CR1: variants seen among roughly 807,000 people sequenced by gnomAD.
CR1 encodes complement C3b/C4b receptor 1 (Knops blood group).
In CR1, 116 loss-of-function variants were observed where a neutral mutation model predicts 187.3. That is an observed-to-expected ratio of 0.62 (90% CI 0.53 to 0.72). CR1 has a LOEUF of 0.72. Ranked by LOEUF, CR1 falls within the 30% of genes least tolerant of loss-of-function variation. The pLI is 0.00. For synonymous variants in CR1, 576 were observed against 747.1 expected (o/e 0.77, Z 3.73); for missense variants, 1,731 against 2,110.7 (o/e 0.82, Z 3.52).
chr1:207,636,604 T>C (rs1662822200), intron 46 of CR1, among the ~76,000 whole-genome samples: 1 of 152,222 alleles, frequency 6.6e-6, no homozygotes, highest in Non-Finnish European at 1.5e-5. Flanking sequence ...TCTTGTAGAA[T>C]TTTTTTGCCA....
chr1:207,596,431 T>C (rs1302990389), intron 35 of CR1, among the ~76,000 whole-genome samples: 1 of 151,830 alleles, frequency 6.6e-6, no homozygotes, highest in East Asian at 1.9e-4. Context: ...CTGGCCAACA[T>C]GGAGAAACCC....
At chr1:207,496,645 C>G (rs1192492972) in intron 1 of CR1, among the ~76,000 whole-genome samples, 2 of 152,210 alleles carry the variant, frequency 1.3e-5, no homozygotes, top group Admixed American at 6.5e-5. Context: ...CAGTGGAAGG[C>G]GCAGATGCTG....
intron 1 of CR1, among the ~76,000 whole-genome samples, chr1:207,503,135 G>C (rs2102332971): frequency 6.6e-6 from 1 of 152,238 alleles, no homozygotes; most frequent in African/African-American, 2.4e-5. Context: ...TGCCTTCTGT[G>C]TATGTGGCAG....
intron 41 of CR1, among the ~76,000 whole-genome samples, chr1:207,617,505 ATATGTGTGTG>A (rs1254211669): frequency 1.7e-4 from 7 of 40,868 alleles, no homozygotes; most frequent in African/African-American, 5.4e-4. Flanking sequence ...ATATATATAT[ATATGTGTGTG>A]TGTGTGTGTG....
At chr1:207,516,105 C>T (rs1659801940) in intron 4 of CR1, among the ~76,000 whole-genome samples, 2 of 152,024 alleles carry the variant, frequency 1.3e-5, no homozygotes, top group Admixed American at 6.6e-5. Context: ...GCCTGTAGTC[C>T]CAGCTACTTG....
chr1:207,497,635 T>G (rs1349050923), intron 1 of CR1, among the ~76,000 whole-genome samples: 1 of 152,242 alleles, frequency 6.6e-6, no homozygotes. Flanking sequence ...ATCTTATTTT[T>G]AGGAGAGAAG....
chr1:207,515,684 C>T (rs561549734), intron 4 of CR1, among the ~76,000 whole-genome samples: 2 of 152,214 alleles, frequency 1.3e-5, no homozygotes, highest in East Asian at 1.9e-4. Flanking sequence ...TACCTTTTCA[C>T]GTTTGTGAAG....
chr1:207,525,290 T>A (rs1047558675), intron 5 of CR1, among the ~76,000 whole-genome samples: 1 of 151,292 alleles, frequency 6.6e-6, no homozygotes, highest in Non-Finnish European at 1.5e-5. Flanking sequence ...GTCACAAAAA[T>A]GTTAGAAGGG....
At chr1:207,589,874 G>A (rs534600111) in intron 35 of CR1, among the ~76,000 whole-genome samples, 7 of 152,300 alleles carry the variant, frequency 4.6e-5, no homozygotes, top group Admixed American at 2.6e-4. Flanking sequence ...ATCAGAGATT[G>A]AAGATCAACT....
At chr1:207,593,082 T>TAAA (rs778842599) in intron 35 of CR1, among the ~76,000 whole-genome samples, 7 of 59,936 alleles carry the variant, frequency 1.2e-4, no homozygotes, top group Admixed American at 1.6e-4. Flanking sequence ...TTCACAGAAT[T>TAAA]ACAAAAAAAA....
intron 45 of CR1, among the ~76,000 whole-genome samples, chr1:207,626,962 C>T (rs1662497120): frequency 6.6e-6 from 1 of 152,084 alleles, no homozygotes; most frequent in African/African-American, 2.4e-5. Flanking sequence ...TGCTTGAACC[C>T]AGGAGGTGGA....
chr1:207,518,432 T>G lies in CR1; in HGVS notation c.488-5179T>G, dbSNP rs554789214. ...AGTCTTTTTTTCCCCCTCCACTTGT[T>G]CTCTCAGTTATGGAGAAGCATGTGT... On this transcript the variant is annotated intron_variant, in intron 4 of 46. Coordinates refer to ENST00000367049, the MANE Select transcript of CR1 (RefSeq NM_000651.6). Among the ~76,000 whole-genome samples, 21 of 152,330 alleles carry G rather than the reference T, an allele frequency of 1.4e-4. No individual in the cohort carries two copies. The South Asian group carries it at 3.5e-3, about 26-fold the overall frequency.
At chr1:207,610,393 T>A (rs1235216621) in intron 37 of CR1, among the ~76,000 whole-genome samples, 1 of 152,128 alleles carries the variant, frequency 6.6e-6, no homozygotes, top group Non-Finnish European at 1.5e-5. Flanking sequence ...AGTACAGTTG[T>A]ACAATCATAG....
intron 35 of CR1, among the ~76,000 whole-genome samples, chr1:207,604,343 T>C (rs1210636300): frequency 6.6e-6 from 1 of 152,236 alleles, no homozygotes; most frequent in Non-Finnish European, 1.5e-5. Flanking sequence ...TTTGTAATTA[T>C]TCAGTTTTAT....
At chr1:207,577,359 T>A (rs1461069313) in intron 28 of CR1, among the ~76,000 whole-genome samples, 8 of 152,136 alleles carry the variant, frequency 5.3e-5, no homozygotes, top group Non-Finnish European at 1.2e-4. Context: ...TTTAAAACTA[T>A]AAGAACATGT....
chr1:207,575,342 T>C (rs1216165743), intron 27 of CR1, among the ~76,000 whole-genome samples: 1 of 152,178 alleles, frequency 6.6e-6, no homozygotes, highest in Non-Finnish European at 1.5e-5. Flanking sequence ...TTTATTTTCG[T>C]GCCAGTTGCA....
rs773359118 is a variant in CR1 at position 207,580,540 on chromosome 1, C to T, written c.5143C>T (p.Leu1715Phe). 5 of 1,612,272 alleles carry T rather than the reference C, an allele frequency of 3.1e-6. No individual in the cohort carries two copies. In the African/African-American group the frequency reaches 4.0e-5, roughly 13 times the overall value. Residue 1715 changes from leucine (L) to phenylalanine (F), a missense_variant, in exon 31 of 47, where the codon CTC (leucine) becomes TTC (phenylalanine). Physicochemically the swap from Leu to Phe is conservative, Grantham distance 22. This residue lies in a region of CR1 where 1,312 missense variants were observed against 1,379.6 expected (regional missense o/e 0.95). Coordinates refer to ENST00000367049, the MANE Select transcript of CR1 (RefSeq NM_000651.6). ...ATCCTGTGATGACTTCTTGGGTCAA[C>T]TCCCTCATGGCCGTGTGCTATTTCC... The part of the protein sequence containing the change: ...VKSCDDFLGQ[L>F]PHGRVLFPLN...
chr1:207,582,685 A>G (rs1660994816), intron 32 of CR1, among the ~76,000 whole-genome samples: 1 of 152,234 alleles, frequency 6.6e-6, no homozygotes, highest in African/African-American at 2.4e-5. Context: ...ATGTTGGCCC[A>G]GGATAGCAAT....
At chr1:207,573,567 A>G (rs867133920) in intron 27 of CR1, among the ~76,000 whole-genome samples, 1 of 151,906 alleles carries the variant, frequency 6.6e-6, no homozygotes, top group South Asian at 2.1e-4. Context: ...GAGAAATTTT[A>G]CAAAAGAGAT....
Sources: gnomAD v4.1 joint callset for allele counts (sites outside exome capture counted in the v4.1 genomes callset) on GRCh38, gnomAD v4.1.1 for gene constraint, gnomAD v4.1.1 regional missense constraint, MANE v1.5 for transcripts, NCBI Gene and HGNC (gene_info 2026-07-23, HGNC 2026-07-21) for gene names.